Variants in CAMTA1 observed in about 807,000 individuals in gnomAD.
CAMTA1 encodes calmodulin binding transcription activator 1.
Under a neutral mutation model 170.9 loss-of-function variants are expected in CAMTA1, and 27 were observed. That is an observed-to-expected ratio of 0.16 (90% CI 0.12 to 0.22). The LOEUF (loss-of-function observed/expected upper bound fraction) is 0.22, where lower values mean the gene tolerates loss of function less well. Ranked by LOEUF, CAMTA1 falls within the 10% of genes least tolerant of loss-of-function variation. The probability of loss-of-function intolerance (pLI) is 1.00; values close to 1 mark genes in which losing one functional copy is unlikely to be tolerated. For synonymous variants in CAMTA1, 833 were observed against 891.5 expected (o/e 0.93, Z 1.17); for missense variants, 1,619 against 2,217.2 (o/e 0.73, Z 5.42).
At chr1:7,263,723 CA>C (rs1465700348) in intron 5 of CAMTA1, among the ~76,000 whole-genome samples, 5 of 152,124 alleles carry the variant, frequency 3.3e-5, no homozygotes, top group African/African-American at 1.2e-4. Context: ...GCTACATAAA[CA>C]AGGACACGAA....
At chr1:7,630,704 C>T (rs1368474128) in intron 6 of CAMTA1, among the ~76,000 whole-genome samples, 3 of 152,212 alleles carry the variant, frequency 2.0e-5, no homozygotes, top group Non-Finnish European at 4.4e-5. Context: ...TGCTGCAGGG[C>T]CCCCAAGGGC....
At chr1:6,998,099 A>G (rs1697605975) in intron 3 of CAMTA1, among the ~76,000 whole-genome samples, 1 of 148,624 alleles carries the variant, frequency 6.7e-6, no homozygotes, top group Non-Finnish European at 1.5e-5. Context: ...TTGTTTTGAG[A>G]TGGAGTCTCG....
Position 7,372,623 on chromosome 1 carries a change from T to G in CAMTA1, c.439-95207T>G, listed in dbSNP as rs17030761. On this transcript the variant is annotated intron_variant, in intron 5 of 22. Coordinates refer to ENST00000303635, the MANE Select transcript of CAMTA1 (RefSeq NM_015215.4). ...CAATCAACTTCATCACCGTCAGTGT[T>G]AATAATTACAATCGCCACAGTGATG... 9.6e-3 allele frequency among the ~76,000 whole-genome samples: 1,460 copies of G among 152,312 alleles called. 20 individuals are homozygous for G. The highest frequency in any genetic ancestry group is 0.033 in the African/African-American group (1,392 of 41,564).
At chr1:7,346,057 A>G (rs1256884186) in intron 5 of CAMTA1, among the ~76,000 whole-genome samples, 1 of 152,206 alleles carries the variant, frequency 6.6e-6, no homozygotes, top group Non-Finnish European at 1.5e-5. Flanking sequence ...TTTGGGAATT[A>G]AGCTAAAGAA....
intron 6 of CAMTA1, among the ~76,000 whole-genome samples, chr1:7,493,296 A>AAC (rs1434753486): frequency 3.0e-4 from 38 of 127,310 alleles, no homozygotes; most frequent in Non-Finnish European, 4.2e-4. Context: ...CACAAACACA[A>AAC]ACATACAAAT....
At position 7,593,393 on chromosome 1, in the gene CAMTA1, C is replaced by T. The variant is rs541833585; in HGVS notation, c.511-47007C>T. Among the ~76,000 whole-genome samples, 130 of 151,702 alleles carry T rather than the reference C, an allele frequency of 8.6e-4. 1 individual carries two copies. In the Middle Eastern group the frequency reaches 0.034, roughly 40 times the overall value. On this transcript the variant is annotated intron_variant, in intron 6 of 22. Coordinates refer to ENST00000303635, the MANE Select transcript of CAMTA1 (RefSeq NM_015215.4). Reference sequence around the variant, plus strand: ...TAAACAAGAAAATGCTATCTAGATGCGTATCTAGATACACATAAGGCCTGT... The same window carrying T: ...TAAACAAGAAAATGCTATCTAGATGTGTATCTAGATACACATAAGGCCTGT...
intron 1 of CAMTA1, among the ~76,000 whole-genome samples, chr1:6,796,128 AT>A (rs1179955394): frequency 9.6e-6 from 1 of 103,868 alleles, no homozygotes; most frequent in Admixed American, 9.5e-5. Flanking sequence ...ATAAAATAGC[AT>A]TTCTTTTTTT....
intron 4 of CAMTA1, among the ~76,000 whole-genome samples, chr1:7,105,999 C>T (rs1024913147): frequency 6.6e-6 from 1 of 151,970 alleles, no homozygotes; most frequent in African/African-American, 2.4e-5. Flanking sequence ...TTCCTATCCA[C>T]TAATGCTCTT....
At chr1:6,800,062 T>C (rs1025255702) in intron 1 of CAMTA1, among the ~76,000 whole-genome samples, 2 of 152,112 alleles carry the variant, frequency 1.3e-5, no homozygotes, top group African/African-American at 4.8e-5. Flanking sequence ...CTGAGGTACA[T>C]AGAGGGCTTA....
intron 1 of CAMTA1, among the ~76,000 whole-genome samples, chr1:6,792,818 G>T (rs969582869): frequency 2.0e-5 from 3 of 152,064 alleles, no homozygotes; most frequent in African/African-American, 7.2e-5. Context: ...GTGAGCCGAA[G>T]GTAACTTCAA....
At chr1:7,475,026 G>A (rs948427849) in intron 6 of CAMTA1, among the ~76,000 whole-genome samples, 1 of 152,206 alleles carries the variant, frequency 6.6e-6, no homozygotes, top group African/African-American at 2.4e-5. Flanking sequence ...TGGTGGTGGG[G>A]ACCTCTCCAC....
At chr1:7,451,275 G>C (rs949028065) in intron 5 of CAMTA1, among the ~76,000 whole-genome samples, 1 of 152,136 alleles carries the variant, frequency 6.6e-6, no homozygotes, top group East Asian at 1.9e-4. Context: ...TTTGGAAAGC[G>C]GATTTCCAGG....
intron 4 of CAMTA1, among the ~76,000 whole-genome samples, chr1:7,188,473 C>T (rs780169730): frequency 8.5e-5 from 13 of 152,164 alleles, no homozygotes; most frequent in Non-Finnish European, 1.5e-5. Context: ...AACTCCCTCC[C>T]TCTCCCCTAA....
chr1:7,221,229 T>C (rs1660704401), intron 4 of CAMTA1, among the ~76,000 whole-genome samples: 1 of 152,106 alleles, frequency 6.6e-6, no homozygotes, highest in Non-Finnish European at 1.5e-5. Context: ...TATTCTTTTT[T>C]TTTTTTTTAA....
At chr1:7,190,861 T>G (rs1430094744) in intron 4 of CAMTA1, among the ~76,000 whole-genome samples, 1 of 152,170 alleles carries the variant, frequency 6.6e-6, no homozygotes, top group Non-Finnish European at 1.5e-5. Flanking sequence ...GTTATCCATG[T>G]TTTACACATA....
At chr1:6,926,627 C>T (rs1310320799) in intron 3 of CAMTA1, among the ~76,000 whole-genome samples, 1 of 146,756 alleles carries the variant, frequency 6.8e-6, no homozygotes, top group Non-Finnish European at 1.5e-5. Context: ...TTTCTCCCCT[C>T]CCCTCCTCTT....
chr1:7,522,575 A>G (rs2094379809), intron 6 of CAMTA1, among the ~76,000 whole-genome samples: 1 of 152,076 alleles, frequency 6.6e-6, no homozygotes, highest in Non-Finnish European at 1.5e-5. Context: ...GATCCCAAAT[A>G]CTTTCTCTTG....
At chr1:7,705,760 A>T (rs1056434383) in intron 11 of CAMTA1, among the ~76,000 whole-genome samples, 1 of 152,168 alleles carries the variant, frequency 6.6e-6, no homozygotes, top group African/African-American at 2.4e-5. Context: ...CTCTAACTAC[A>T]GACCAGGGGA....
chr1:7,392,818 G>C (rs1168371039), intron 5 of CAMTA1, among the ~76,000 whole-genome samples: 1 of 152,014 alleles, frequency 6.6e-6, no homozygotes, highest in African/African-American at 2.4e-5. Context: ...AGATTGCAGT[G>C]AGCCGAGATC....
Sources: gnomAD v4.1 joint callset for allele counts (sites outside exome capture counted in the v4.1 genomes callset) on GRCh38, gnomAD v4.1.1 for gene constraint, MANE v1.5 for transcripts, NCBI Gene and HGNC (gene_info 2026-07-23, HGNC 2026-07-21) for gene names.